The following ARK2C variants were observed in gnomAD, a reference collection of about 807,000 sequenced individuals.
ARK2C encodes arkadia (RNF111) C-terminal like ring finger ubiquitin ligase 2C.
chr18:46,443,521 A>G, the ARK2C span, among the ~76,000 whole-genome samples: 1 of 152,154 alleles, frequency 6.6e-6, no homozygotes, highest in East Asian at 1.9e-4. Context: ...CATTGTTATC[A>G]TTTTTGCTTT....
chr18:46,436,384 G>T, the ARK2C span, among the ~76,000 whole-genome samples: 1 of 152,084 alleles, frequency 6.6e-6, no homozygotes, highest in Non-Finnish European at 1.5e-5. Context: ...GGGGAATCTG[G>T]GTGAAGGGTA....
At chr18:46,410,332 A>G in the ARK2C span, among the ~76,000 whole-genome samples, 3 of 152,184 alleles carry the variant, frequency 2.0e-5, no homozygotes, top group Non-Finnish European at 2.9e-5. Context: ...CAGGTGCTCA[A>G]TGTCTTACTG....
chr18:46,393,904 A>G, the ARK2C span, among the ~76,000 whole-genome samples: 1 of 152,178 alleles, frequency 6.6e-6, no homozygotes, highest in African/African-American at 2.4e-5. Flanking sequence ...CCTTCTGAAT[A>G]TTAGTTGATG....
At chr18:46,345,886 C>A in the ARK2C span, among the ~76,000 whole-genome samples, 1 of 152,110 alleles carries the variant, frequency 6.6e-6, no homozygotes, top group African/African-American at 2.4e-5. Context: ...TTCAGGGTCA[C>A]CCCAAGGCCT....
chr18:46,445,298 A>G, the ARK2C span, among the ~76,000 whole-genome samples: 10 of 152,126 alleles, frequency 6.6e-5, no homozygotes, highest in Non-Finnish European at 1.2e-4. Flanking sequence ...ACTACTCTAG[A>G]TCTTCCCGAA....
At chr18:46,443,997 A>G in the ARK2C span, among the ~76,000 whole-genome samples, 1 of 152,064 alleles carries the variant, frequency 6.6e-6, no homozygotes, top group East Asian at 1.9e-4. Context: ...ATTTAAAAAT[A>G]TATTTTTTCT....
the ARK2C span, among the ~76,000 whole-genome samples, chr18:46,375,693 G>A: frequency 6.6e-6 from 1 of 152,076 alleles, no homozygotes; most frequent in Non-Finnish European, 1.5e-5. Context: ...GAGTTCTCTT[G>A]TTCCCAGCAA....
At chr18:46,364,702 C>T in the ARK2C span, among the ~76,000 whole-genome samples, 3 of 152,206 alleles carry the variant, frequency 2.0e-5, no homozygotes, top group East Asian at 5.8e-4. Flanking sequence ...TGGGACATTC[C>T]TGTCCTGAGG....
the ARK2C span, among the ~76,000 whole-genome samples, chr18:46,383,786 C>T: frequency 0.06 from 9,079 of 151,972 alleles, 594 homozygotes; most frequent in African/African-American, 0.16. Context: ...GATCTGACCT[C>T]GTGATCCGCC....
At chr18:46,418,930 C>T in the ARK2C span, among the ~76,000 whole-genome samples, 3 of 152,294 alleles carry the variant, frequency 2.0e-5, no homozygotes, top group East Asian at 5.8e-4. Flanking sequence ...GAAACAATAG[C>T]GAGTTAATGT....
At chr18:46,437,549 G>C in the ARK2C span, among the ~76,000 whole-genome samples, 1 of 151,566 alleles carries the variant, frequency 6.6e-6, no homozygotes, top group African/African-American at 2.4e-5. Context: ...CCCATGTCCA[G>C]CCCAAGGTCG....
At chr18:46,359,636 T>C in the ARK2C span, among the ~76,000 whole-genome samples, 11 of 152,184 alleles carry the variant, frequency 7.2e-5, no homozygotes, top group Non-Finnish European at 7.3e-5. Flanking sequence ...TTGTTTAAAA[T>C]CTGCAGTTTA....
chr18:46,352,596 T>C, the ARK2C span, among the ~76,000 whole-genome samples: 2 of 152,194 alleles, frequency 1.3e-5, no homozygotes, highest in Non-Finnish European at 2.9e-5. Flanking sequence ...CCCTAGGATA[T>C]GGCCCTTTTC....
At chr18:46,425,625 C>T in the ARK2C span, among the ~76,000 whole-genome samples, 3 of 152,156 alleles carry the variant, frequency 2.0e-5, no homozygotes, top group South Asian at 2.1e-4. Flanking sequence ...CTGCCTTCCA[C>T]GGTCCCTGGC....
At chr18:46,381,395 C>T in the ARK2C span, among the ~76,000 whole-genome samples, 4 of 152,228 alleles carry the variant, frequency 2.6e-5, no homozygotes, top group Admixed American at 6.5e-5. Flanking sequence ...CTCACCTCTG[C>T]AGTCAGAGCC....
At chr18:46,377,875 A>G in the ARK2C span, among the ~76,000 whole-genome samples, 2 of 152,192 alleles carry the variant, frequency 1.3e-5, no homozygotes, top group South Asian at 2.1e-4. Context: ...TGTCTAGAGC[A>G]AAGGGTACAG....
At chr18:46,407,951 G>A in the ARK2C span, among the ~76,000 whole-genome samples, 2 of 152,220 alleles carry the variant, frequency 1.3e-5, no homozygotes, top group Non-Finnish European at 2.9e-5. Flanking sequence ...CCAGAGAGGT[G>A]GTCAGGGAAG....
the ARK2C span, among the ~76,000 whole-genome samples, chr18:46,355,262 A>AT: frequency 0.018 from 2,728 of 151,302 alleles, 27 homozygotes; most frequent in African/African-American, 0.031. Flanking sequence ...CTGTTTTAAT[A>AT]TTTTTTTTTA....
the ARK2C span, among the ~76,000 whole-genome samples, chr18:46,391,856 A>C: frequency 6.6e-6 from 1 of 151,050 alleles, no homozygotes; most frequent in South Asian, 2.1e-4. Context: ...TGCACAATAC[A>C]CCCCCCATAT....
Sources: allele counts gnomAD v4.1 joint callset (sites outside exome capture counted in the v4.1 genomes callset), GRCh38; gene constraint gnomAD v4.1.1; transcripts MANE v1.5; gene names NCBI Gene and HGNC (gene_info 2026-07-23, HGNC 2026-07-21).